NIPA1: variants seen among roughly 807,000 people sequenced by gnomAD.
NIPA1 encodes NIPA magnesium transporter 1, also known as magnesium transporter NIPA1.
Under a neutral mutation model 23.9 loss-of-function variants are expected in NIPA1, and 13 were observed. That is an observed-to-expected ratio of 0.54 (90% CI 0.35 to 0.87). NIPA1 has a LOEUF of 0.87. Among genes scored for constraint, NIPA1 ranks in the 40% least tolerant of loss-of-function variants. NIPA1 has a pLI of 0.01. For missense variants in NIPA1, 362 were observed against 429.7 expected (o/e 0.84, Z 1.39); for synonymous variants, 234 against 202.9 (o/e 1.15, Z -1.30).
intron 1 of NIPA1, among the ~76,000 whole-genome samples, chr15:22,793,837 A>C (rs1894885782): frequency 1.3e-5 from 2 of 152,226 alleles, no homozygotes; most frequent in South Asian, 4.1e-4. Context: ...TCCTTTCCCC[A>C]GTGTATGTTC....
intron 1 of NIPA1, among the ~76,000 whole-genome samples, chr15:22,803,602 T>A (rs534977002): frequency 7.6e-6 from 1 of 131,284 alleles, no homozygotes; most frequent in South Asian, 2.6e-4. Context: ...TCTGCCCCCC[T>A]GGTTCAAGTG....
At chr15:22,818,973 G>T (rs145822720) in intron 3 of NIPA1, among the ~76,000 whole-genome samples, 1 of 152,144 alleles carries the variant, frequency 6.6e-6, no homozygotes, top group Non-Finnish European at 1.5e-5. Flanking sequence ...TTTTTGCCCT[G>T]TGAGCCCCCT....
Position 22,822,918 on chromosome 15 carries a change from T to G in NIPA1, c.479-810T>G, listed in dbSNP as rs966204128. Among the ~76,000 whole-genome samples, 9 of 129,748 alleles carry G rather than the reference T, an allele frequency of 6.9e-5. No individual in the cohort carries two copies. In the East Asian group the frequency reaches 1.3e-3, roughly 19 times the overall value. The allele number at this position is 129,748 out of a possible 152,430, so 85.1% of individuals were successfully genotyped here. On this transcript the variant is annotated intron_variant, in intron 4 of 4. Coordinates refer to ENST00000337435, the MANE Select transcript of NIPA1 (RefSeq NM_144599.5). ...TAGGAGCTGTAAATGGTTTTTTTTT[T>G]TTTTTTTTTTTTTTTTTTGAGACGG...
rs569082985 is a variant in NIPA1 at position 22,803,219 on chromosome 15, A to C, written c.179-7530A>C. On this transcript the variant is annotated intron_variant, in intron 1 of 4. Transcript: ENST00000337435. The stretch of plus-strand genomic sequence containing the variant: ...TGATCCACTCACCTCGGCCTCCCAA[A>C]GTGCTGGGATTATAGGCATGAGCCA... Among the ~76,000 whole-genome samples, 6 of 152,044 alleles carry C rather than the reference A, an allele frequency of 3.9e-5. No individual in the cohort carries two copies. The South Asian group carries it at 8.3e-4, about 21-fold the overall frequency.
chr15:22,787,200 T>C (rs1339075068), intron 1 of NIPA1, among the ~76,000 whole-genome samples: 1 of 152,062 alleles, frequency 6.6e-6, no homozygotes, highest in Non-Finnish European at 1.5e-5. Flanking sequence ...GCCCTCGCCG[T>C]GGCCCGCAAC....
chr15:22,820,184 G>A (rs1247143488), intron 3 of NIPA1, 129 bp from the exon 4 acceptor site: 1 of 672,060 alleles, frequency 1.5e-6, no homozygotes, highest in African/African-American at 1.8e-5. Context: ...GCAACAGAGT[G>A]GGAGGTGGTC....
rs528881078 is a variant in NIPA1 at position 22,802,726 on chromosome 15, C to G, written c.179-8023C>G. Among the ~76,000 whole-genome samples, 6 of 152,194 alleles carry G rather than the reference C, an allele frequency of 3.9e-5. No individual in the cohort carries two copies. The East Asian group carries it at 1.2e-3, about 29-fold the overall frequency. On this transcript the variant is annotated intron_variant, in intron 1 of 4. Coordinates refer to ENST00000337435, the MANE Select transcript of NIPA1 (RefSeq NM_144599.5). ...GTGCCTCATCCCCCATACCAAGGTG[C>G]CTACTCTTCTGATGCCCATCTGCAT...
intron 3 of NIPA1, chr15:22,813,691 C>G (rs1348104440): frequency 2.2e-6 from 1 of 455,952 alleles, no homozygotes; most frequent in Non-Finnish European, 4.4e-6. Flanking sequence ...GAAGTTTACA[C>G]CTTAGAGTCA....
At chr15:22,797,677 A>G (rs1453621216) in intron 1 of NIPA1, among the ~76,000 whole-genome samples, 1 of 150,056 alleles carries the variant, frequency 6.7e-6, no homozygotes. Context: ...CTAATTTTGT[A>G]TTTTTAGTAG....
At chr15:22,790,492 C>G (rs1005874611) in intron 1 of NIPA1, among the ~76,000 whole-genome samples, 1 of 150,134 alleles carries the variant, frequency 6.7e-6, no homozygotes, top group Non-Finnish European at 1.5e-5. Flanking sequence ...TGCAATCTCA[C>G]TGCAACTTCC....
Position 22,826,399 on chromosome 15 carries a change from T to TA in NIPA1, c.*2161dup, listed in dbSNP as rs1217903826. 3.3e-5 allele frequency: 5 copies of TA among 152,234 alleles called. No homozygotes were observed. Among genetic ancestry groups the TA allele is most frequent in the African/African-American group, 1.2e-4 (5 of 41,456 alleles). 9.4% of individuals were successfully genotyped at this position (152,234 alleles called of 1,614,324 possible). On this transcript the variant is annotated 3_prime_UTR_variant, in exon 5 of 5. Coordinates refer to ENST00000337435, the MANE Select transcript of NIPA1 (RefSeq NM_144599.5). Reference sequence around the variant, plus strand: ...GCTTTTAGAAATGCAGGCCTTAACTTACTGAACTGAACTTTCTGAAAACGT... The same window carrying TA: ...GCTTTTAGAAATGCAGGCCTTAACTTAACTGAACTGAACTTTCTGAAAACGT...
In NIPA1 at chr15:22,825,263, A is replaced by C. The variant is rs1415938640; in HGVS notation, c.*1024A>C. The C allele has an allele frequency of 6.6e-6, 1 of 152,226 alleles. No individual in the cohort carries two copies. The highest frequency in any genetic ancestry group is 1.5e-5 in the Non-Finnish European group (1 of 68,046). The allele number at this position is 152,226 out of a possible 1,614,324, so 9.4% of individuals were successfully genotyped here. Reference sequence around the variant, plus strand: ...CACAGTGGTGAGTATTTGTGTTTACAAACATAGGAAAGGTACAGTAAAACT... The same window carrying C: ...CACAGTGGTGAGTATTTGTGTTTACCAACATAGGAAAGGTACAGTAAAACT... On this transcript the variant is annotated 3_prime_UTR_variant, in exon 5 of 5. Coordinates refer to ENST00000337435, the MANE Select transcript of NIPA1 (RefSeq NM_144599.5).
At chr15:22,805,681 G>A (rs1895191888) in intron 1 of NIPA1, among the ~76,000 whole-genome samples, 8 of 151,972 alleles carry the variant, frequency 5.3e-5, no homozygotes, top group Admixed American at 3.3e-4. Context: ...GTGAGACTCT[G>A]TCTCAAAAAG....
At chr15:22,812,292 G>A (rs746729011) in intron 3 of NIPA1, 39 bp downstream of exon 3, 1 of 1,374,020 alleles carries the variant, frequency 7.3e-7, no homozygotes. Flanking sequence ...AATGTGTAGT[G>A]TAGATATAAC....
At chr15:22,793,055 T>C (rs1894864936) in intron 1 of NIPA1, among the ~76,000 whole-genome samples, 1 of 151,738 alleles carries the variant, frequency 6.6e-6, no homozygotes, top group African/African-American at 2.4e-5. Flanking sequence ...AGTGAGACTC[T>C]GTCTCAAAAA....
intron 3 of NIPA1, 24 bp from the exon 4 acceptor site, chr15:22,820,289 A>T: frequency 6.4e-7 from 1 of 1,554,616 alleles, no homozygotes; most frequent in Non-Finnish European, 8.9e-7. Flanking sequence ...TTAAACTTTA[A>T]TGATTTCTCT....
At chr15:22,805,144 G>A (rs1219933448) in intron 1 of NIPA1, among the ~76,000 whole-genome samples, 1 of 152,052 alleles carries the variant, frequency 6.6e-6, no homozygotes, top group African/African-American at 2.4e-5. Flanking sequence ...CCAGCCTATG[G>A]TAAATCTTAA....
chr15:22,818,070 C>A (rs1895461637), intron 3 of NIPA1, among the ~76,000 whole-genome samples: 1 of 152,120 alleles, frequency 6.6e-6, no homozygotes, highest in South Asian at 2.1e-4. Context: ...TAAAAGGATG[C>A]CATCAATGAA....
chr15:22,803,565 G>A (rs1895134108), intron 1 of NIPA1, among the ~76,000 whole-genome samples: 1 of 130,458 alleles, frequency 7.7e-6, no homozygotes, highest in Non-Finnish European at 1.5e-5. Context: ...CTGGAGTGCA[G>A]TGGCGTGATC....
Sources: gnomAD v4.1 joint callset for allele counts (sites outside exome capture counted in the v4.1 genomes callset) on GRCh38, gnomAD v4.1.1 for gene constraint, MANE v1.5 for transcripts, NCBI Gene and HGNC (gene_info 2026-07-23, HGNC 2026-07-21) for gene names.